FGF8: variants seen among roughly 807,000 people sequenced by gnomAD.
FGF8 encodes the protein androgen-induced growth factor.
In FGF8, 12 loss-of-function variants were observed where a neutral mutation model predicts 29.7. The ratio of observed to expected loss-of-function variants is 0.40; its 90% CI spans 0.26 to 0.65. The LOEUF (loss-of-function observed/expected upper bound fraction) is 0.65, where lower values mean the gene tolerates loss of function less well. Ranked by LOEUF, FGF8 falls within the 30% of genes least tolerant of loss-of-function variation. The pLI is 0.37. For missense variants in FGF8, 271 were observed against 345.1 expected (o/e 0.79, Z 1.70); for synonymous variants, 157 against 144.4 (o/e 1.09, Z -0.63).
chr10:101,770,588 G>C lies in FGF8; in HGVS notation c.476C>G (p.Thr159Arg). The C allele has an allele frequency of 6.2e-7, 1 of 1,612,146 alleles. No homozygotes were observed. The change falls in exon 6 of 6, where the codon ACG becomes AGG. Residue 159 changes from threonine to arginine, a missense_variant. By Grantham distance (71) the Thr-to-Arg change is moderately conservative. Around this residue, in one of 3 missense-constraint regions of FGF8, gnomAD observed 41 missense variants for 80.0 expected, o/e 0.51. Coordinates refer to ENST00000320185, the MANE Select transcript of FGF8 (RefSeq NM_033163.5). ...SNGKGKDCVF[T>R]EIVLENNYTA... is the part of the protein sequence containing the mutation. The stretch of plus-strand genomic sequence containing the variant: ...GTAGTTGTTCTCCAGCACAATCTCC[G>C]TGAAGACGCAGTCCTTGCCTTTGCC...
chr10:101,774,450 C>T (rs929196575), intron 4 of FGF8, among the ~76,000 whole-genome samples: 2 of 152,216 alleles, frequency 1.3e-5, no homozygotes, highest in Non-Finnish European at 2.9e-5. Flanking sequence ...CCCCTGAACC[C>T]CCTGCCTCCA....
chr10:101,775,934 G>T lies in FGF8; in HGVS notation c.-34C>A, dbSNP rs2065085557. 1.7e-6 allele frequency: 2 copies of T among 1,197,898 alleles called. No homozygotes were observed. The highest frequency in any genetic ancestry group is 4.1e-5 in the South Asian group (1 of 24,452). The allele number at this position is 1,197,898 out of a possible 1,614,324, so 74.2% of individuals were successfully genotyped here. A position where few individuals can be genotyped will look rare whatever the true frequency, so the allele number is the denominator to read the frequency against. ...GCCCCGGGGCACCGAGAGCCCGGCG[G>T]GTCACGCCGTCCCGCGGGCCGCCGC... On this transcript the variant is annotated 5_prime_UTR_variant, in exon 1 of 6. Coordinates refer to ENST00000320185, the MANE Select transcript of FGF8 (RefSeq NM_033163.5). The surrounding 1 kb of genome is among the most constrained non-coding windows in gnomAD (Gnocchi z 4.6).
chr10:101,770,323 C>G lies in FGF8; in HGVS notation c.*6G>C. ...GTCTGGCATTGTGGGGAGGGCCAGGCAGCACCTATCGGGGCTCGGGGGCCC... is the reference window on the plus strand; with the variant it reads ...GTCTGGCATTGTGGGGAGGGCCAGGGAGCACCTATCGGGGCTCGGGGGCCC... On this transcript the variant is annotated 3_prime_UTR_variant, in exon 6 of 6. Transcript: ENST00000320185. 6.3e-7 allele frequency: 1 copy of G among 1,585,976 alleles called. No homozygotes were observed. The highest frequency in any genetic ancestry group is 8.6e-7 in the Non-Finnish European group (1 of 1,167,106).
chr10:101,773,271 C>G (rs781209396), intron 4 of FGF8, among the ~76,000 whole-genome samples: 1 of 152,222 alleles, frequency 6.6e-6, no homozygotes, highest in African/African-American at 2.4e-5. Flanking sequence ...CTTCCCTCCC[C>G]GAAATCCAAG....
At chr10:101,777,490 T>C (rs531775767), upstream of FGF8, among the ~76,000 whole-genome samples, 19 of 152,326 alleles carry the variant, frequency 1.2e-4, no homozygotes, top group South Asian at 2.5e-3. Flanking sequence ...TGTCCCACCT[T>C]TCCCTGTGCC....
At position 101,770,162 on chromosome 10, in the gene FGF8, A is replaced by T; in HGVS notation, c.*167T>A. 1 of 578,012 alleles carries T rather than the reference A, an allele frequency of 1.7e-6. No homozygotes were observed. The highest frequency in any genetic ancestry group is 2.9e-6 in the Non-Finnish European group (1 of 345,962). 35.8% of individuals were successfully genotyped at this position (578,012 alleles called of 1,614,324 possible). ...GTTTTAAAAAAAAAAAAAAAAAAAA[A>T]AACAGCAAAAACCCAACAGCAAACA... On this transcript the variant is annotated 3_prime_UTR_variant, in exon 6 of 6. Transcript: ENST00000320185.
Position 101,771,692 on chromosome 10 carries a change from C to T in FGF8, c.338-123G>A. On this transcript the variant is annotated intron_variant, in intron 4 of 5. Transcript: ENST00000320185. The surrounding 1 kb of genome is among the most constrained non-coding windows in gnomAD (Gnocchi z 5.3). ...GAACCCAAAACATGGACTCCAGCTC[C>T]AGCCCAGCTACTAACATGCTGTGCA... The T allele has an allele frequency of 6.5e-6, 5 of 763,476 alleles. No homozygotes were observed. The highest frequency in any genetic ancestry group is 2.2e-4 in the Middle Eastern group (1 of 4,486). 47.3% of individuals were successfully genotyped at this position (763,476 alleles called of 1,614,324 possible).
upstream of FGF8, among the ~76,000 whole-genome samples, chr10:101,776,558 G>A (rs1386591256): frequency 6.6e-6 from 1 of 151,984 alleles, no homozygotes; most frequent in African/African-American, 2.4e-5. Flanking sequence ...CTGGGTCTCC[G>A]CCTCCGGGCC....
Position 101,770,439 on chromosome 10 carries a change from G to C in FGF8, c.625C>G (p.Arg209Gly). 1 of 1,609,576 alleles carries C rather than the reference G, an allele frequency of 6.2e-7. No homozygotes were observed. The highest frequency in any genetic ancestry group is 8.5e-7 in the Non-Finnish European group (1 of 1,178,214). ...CTCTGCTCGGTGGTGTGGTGGCCCC[G>C]GGGCAGCCGCTTCATGAAGTGGACC... ...REVHFMKRLP[R>G]GHHTTEQSLR... Residue 209 changes from arginine to glycine, a missense_variant, in exon 6 of 6, where the codon CGG becomes GGG. Physicochemically the swap from Arg to Gly is moderately radical, Grantham distance 125. This residue lies in a region of FGF8 where 62 missense variants were observed against 58.1 expected (regional missense o/e 1.07). Coordinates refer to ENST00000320185, the MANE Select transcript of FGF8 (RefSeq NM_033163.5).
At position 101,775,486 on chromosome 10, in the gene FGF8, A is replaced by G. The variant is rs1201571141; in HGVS notation, c.69+254T>C. ...TTCCCTATGCCCCCAGCCGGCGAGG[A>G]TGCATGGGGGACAGTGCTGGGCTCC... On this transcript the variant is annotated intron_variant, in intron 2 of 5. Coordinates refer to ENST00000320185, the MANE Select transcript of FGF8 (RefSeq NM_033163.5). This position sits in a 1 kb window ranked among gnomAD's most constrained non-coding sequence, Gnocchi z 4.6. 4 of 603,956 alleles carry G rather than the reference A, an allele frequency of 6.6e-6. No homozygotes were observed. Among genetic ancestry groups the G allele is most frequent in the African/African-American group, 1.9e-5 (1 of 53,810 alleles). 37.4% of individuals were successfully genotyped at this position (603,956 alleles called of 1,614,324 possible). A position where few individuals can be genotyped will look rare whatever the true frequency, so the allele number is the denominator to read the frequency against.
Position 101,774,806 on chromosome 10 carries a change from C to A in FGF8, c.263G>T (p.Arg88Leu). 6.2e-7 allele frequency: 1 copy of A among 1,613,080 alleles called. No individual in the cohort carries two copies. Among genetic ancestry groups the A allele is most frequent in the Non-Finnish European group, 8.5e-7 (1 of 1,180,022 alleles). ...GACCTGCACGTGCTTCCCGCTGGTG[C>A]GGCTGTAGAGTTGGTAGGTCCGGAT... ...RLIRTYQLYS[R>L]TSGKHVQVLA... Residue 88 changes from arginine (R) to leucine (L), a missense_variant, in exon 4 of 6, where the codon CGC becomes CTC. Coordinates refer to ENST00000320185, the MANE Select transcript of FGF8 (RefSeq NM_033163.5).
At chr10:101,770,947 T>C (rs1190605416) in intron 5 of FGF8, among the ~76,000 whole-genome samples, 2 of 151,306 alleles carry the variant, frequency 1.3e-5, no homozygotes, top group Non-Finnish European at 2.9e-5. Context: ...CCTGCCCCTC[T>C]CACCCCCCCA....
chr10:101,777,647 C>T (rs949730326), upstream of FGF8, among the ~76,000 whole-genome samples: 2 of 152,264 alleles, frequency 1.3e-5, no homozygotes, highest in Admixed American at 6.5e-5. Flanking sequence ...GGAGTCTGTT[C>T]AGTGGGCTCT....
rs979419899 is a variant in FGF8, at chr10:101,771,138, A to G, written c.444+325T>C. ...GGGCTGGGCCTGCGGCTTACTGAAC[A>G]TTCCAAATGCTGGTACCATGTAATT... is the stretch of plus-strand genomic sequence containing the variant. On this transcript the variant is annotated intron_variant, in intron 5 of 5. Coordinates refer to ENST00000320185, the MANE Select transcript of FGF8 (RefSeq NM_033163.5). This position sits in a 1 kb window ranked among gnomAD's most constrained non-coding sequence, Gnocchi z 5.3. Among the ~76,000 whole-genome samples, 4 of 152,222 alleles carry G rather than the reference A, an allele frequency of 2.6e-5. No homozygotes were observed. Among genetic ancestry groups the G allele is most frequent in the African/African-American group, 7.2e-5 (3 of 41,466 alleles).
Position 101,770,404 on chromosome 10 carries a change from G to A in FGF8, c.660C>T (p.Phe220=), listed in dbSNP as rs745400628. The change falls in exon 6 of 6, where the codon TTC becomes TTT. Residue 220 remains phenylalanine (F), a synonymous_variant. Coordinates refer to ENST00000320185, the MANE Select transcript of FGF8 (RefSeq NM_033163.5). ...GHHTTEQSLR[F]EFLNYPPFTR... ...TGAAGGGCGGGTAGTTGAGGAACTC[G>A]AAGCGCAGGCTCTGCTCGGTGGTGT... 1.2e-5 allele frequency: 20 copies of A among 1,607,116 alleles called. No individual in the cohort carries two copies. Among genetic ancestry groups the A allele is most frequent in the Admixed American group, 6.8e-5 (4 of 58,478 alleles).
intron 5 of FGF8, among the ~76,000 whole-genome samples, chr10:101,770,898 C>G (rs1458306715): frequency 6.6e-6 from 1 of 152,178 alleles, no homozygotes; most frequent in Admixed American, 6.5e-5. Flanking sequence ...CTGGCCTGCT[C>G]TGGCCTCCTG....
chr10:101,777,027 G>A (rs539390314), upstream of FGF8, among the ~76,000 whole-genome samples: 1 of 152,270 alleles, frequency 6.6e-6, no homozygotes, highest in South Asian at 2.1e-4. Flanking sequence ...TTTACTGGGG[G>A]AAGGGACTTC....
At chr10:101,778,834 C>T (rs1404976205), upstream of FGF8, among the ~76,000 whole-genome samples, 1 of 152,202 alleles carries the variant, frequency 6.6e-6, no homozygotes, top group Non-Finnish European at 1.5e-5. Flanking sequence ...TCCCGGCCAG[C>T]TCCCTCCCTC....
chr10:101,774,221 T>C (rs1404466393), intron 4 of FGF8, among the ~76,000 whole-genome samples: 4 of 152,228 alleles, frequency 2.6e-5, no homozygotes, highest in Non-Finnish European at 4.4e-5. Context: ...CCCAGCCGCC[T>C]GGGTTCCCCA....
Sources: allele counts gnomAD v4.1 joint callset (sites outside exome capture counted in the v4.1 genomes callset), GRCh38; gene constraint gnomAD v4.1.1; regional missense constraint gnomAD v4.1.1; non-coding constraint Gnocchi (gnomAD v3.1); transcripts MANE v1.5; gene names NCBI Gene and HGNC (gene_info 2026-07-23, HGNC 2026-07-21).